CRYL1: variants seen among roughly 807,000 people sequenced by gnomAD.
CRYL1 encodes lambda-crystallin homolog.
In CRYL1, 29 loss-of-function variants were observed where a neutral mutation model predicts 36.6. That is an observed-to-expected ratio of 0.79 (90% CI 0.59 to 1.08). CRYL1 has a LOEUF of 1.08. Ranked by LOEUF, CRYL1 falls within the 50% of genes least tolerant of loss-of-function variation. The pLI is 0.00. For synonymous variants in CRYL1, 152 were observed against 151.5 expected, an observed-to-expected ratio of 1.00 and a Z score of -0.02; for missense variants, 411 against 407.9, an observed-to-expected ratio of 1.01 and a Z score of -0.06.
At chr13:20,466,907 C>T (rs943629874) in intron 3 of CRYL1, among the ~76,000 whole-genome samples, 2 of 151,878 alleles carry the variant, frequency 1.3e-5, no homozygotes, top group Non-Finnish European at 1.5e-5. Flanking sequence ...GTATGAAACA[C>T]ACCAATGAAT....
At position 20,432,223 on chromosome 13, in the gene CRYL1, C is replaced by A. The variant is rs202218550; in HGVS notation, c.512G>T (p.Arg171Ile). Reference sequence around the variant, plus strand: ...AATCTTCTTCATCAGGGCGTGGGTTCTGTCCACTGTCGTAGGGGCCGTCTC... The same window carrying A: ...AATCTTCTTCATCAGGGCGTGGGTTATGTCCACTGTCGTAGGGGCCGTCTC... ...HPETAPTTVD[R>I]THALMKKIGQ... Residue 171 changes from arginine to isoleucine, a missense_variant, in exon 5 of 8, where the codon AGA (arginine) becomes ATA (isoleucine). Physicochemically the swap from Arg to Ile is moderately conservative, Grantham distance 97. Transcript: ENST00000298248. The A allele has an allele frequency of 2.8e-5, 45 of 1,613,926 alleles. No individual in the cohort carries two copies. In the African/African-American group the frequency reaches 5.7e-4, roughly 21 times the overall value.
chr13:20,409,121 A>G (rs1297834533), intron 6 of CRYL1, among the ~76,000 whole-genome samples: 1 of 152,126 alleles, frequency 6.6e-6, no homozygotes, highest in Non-Finnish European at 1.5e-5. Context: ...TACAGTAACC[A>G]AAACAGCATG....
Position 20,404,709 on chromosome 13 carries a change from C to T in CRYL1, c.772G>A (p.Gly258Ser). 1 of 1,613,808 alleles carries T rather than the reference C, an allele frequency of 6.2e-7. No individual in the cohort carries two copies. Among genetic ancestry groups the T allele is most frequent in the South Asian group, 1.1e-5 (1 of 91,074 alleles). ...MLSYCDRYSE[G>S]IKHVLQTFGP... is the part of the protein sequence containing the mutation. ...AAAGTCTGTAGGACATGTTTTATGC[C>T]TTCGCTGTATCTGTCGCAGTAGCTT... Residue 258 changes from glycine to serine, a missense_variant, in exon 7 of 8, where the codon GGC becomes AGC. By Grantham distance (56) the Gly-to-Ser change is moderately conservative. Transcript: ENST00000298248.
chr13:20,436,519 C>G (rs2137397975), intron 4 of CRYL1, among the ~76,000 whole-genome samples: 1 of 152,296 alleles, frequency 6.6e-6, no homozygotes, highest in Non-Finnish European at 1.5e-5. Context: ...GAGGAAACAG[C>G]ACAAAAGACA....
At chr13:20,472,706 C>T (rs118147933) in intron 3 of CRYL1, among the ~76,000 whole-genome samples, 3,870 of 152,304 alleles carry the variant, frequency 0.025, 69 homozygotes, top group Middle Eastern at 0.041. Flanking sequence ...GGGACTGGCT[C>T]ACTGGGGCAG....
chr13:20,417,983 G>A (rs1163117795), intron 5 of CRYL1, among the ~76,000 whole-genome samples: 1 of 152,106 alleles, frequency 6.6e-6, no homozygotes, highest in Non-Finnish European at 1.5e-5. Context: ...TGTGACTGTG[G>A]GCCTGGCAAG....
intron 3 of CRYL1, among the ~76,000 whole-genome samples, chr13:20,454,689 G>C (rs964115834): frequency 9.2e-5 from 14 of 152,124 alleles, no homozygotes; most frequent in African/African-American, 3.4e-4. Context: ...AAAGTGCTGG[G>C]ATTACAGGCG....
At position 20,404,714 on chromosome 13, in the gene CRYL1, C is replaced by T. The variant is rs1019344558; in HGVS notation, c.767G>A (p.Ser256Asn). 6.2e-7 allele frequency: 1 copy of T among 1,613,584 alleles called. No individual in the cohort carries two copies. Among genetic ancestry groups the T allele is most frequent in the African/African-American group, 1.3e-5 (1 of 75,052 alleles). ...CTGTAGGACATGTTTTATGCCTTCG[C>T]TGTATCTGTCGCAGTAGCTTAACAT... ...EGMLSYCDRY[S>N]EGIKHVLQTF... is the part of the protein sequence containing the mutation. Residue 256 changes from serine (S) to asparagine (N), a missense_variant, in exon 7 of 8, where the codon AGC becomes AAC. Coordinates refer to ENST00000298248, the MANE Select transcript of CRYL1 (RefSeq NM_015974.3).
At position 20,403,786 on chromosome 13, in the gene CRYL1, A is replaced by T; in HGVS notation, c.*343T>A. 1 of 182,120 alleles carries T rather than the reference A, an allele frequency of 5.5e-6. No homozygotes were observed. 11.3% of individuals were successfully genotyped at this position (182,120 alleles called of 1,614,324 possible). A position where few individuals can be genotyped will look rare whatever the true frequency, so the allele number is the denominator to read the frequency against. On this transcript the variant is annotated 3_prime_UTR_variant, in exon 8 of 8. Transcript: ENST00000298248. Reference sequence around the variant, plus strand: ...GGGATTAGAAAATAATTACAAAAATATTTTGCCACATATTAACATGAAACT... The same window carrying T: ...GGGATTAGAAAATAATTACAAAAATTTTTTGCCACATATTAACATGAAACT...
At chr13:20,484,131 A>T (rs1364464458) in intron 3 of CRYL1, among the ~76,000 whole-genome samples, 3 of 152,112 alleles carry the variant, frequency 2.0e-5, no homozygotes, top group Admixed American at 1.3e-4. Context: ...ACAGCAATTA[A>T]TTTTTTTTAA....
chr13:20,413,284 T>C lies in CRYL1; in HGVS notation c.737A>G (p.Glu246Gly). The change falls in exon 6 of 8, where the codon GAA (glutamate) becomes GGA (glycine). Residue 246 changes from glutamate to glycine, a missense_variant and splice_region_variant. Physicochemically the swap from Glu to Gly is moderately conservative, Grantham distance 98 (BLOSUM62 -2). Transcript: ENST00000298248. ...CCATCCTGGCCCCAGATGCATACCTTCTGCATTGAGATGCATGGTTTCCAG... is the reference window on the plus strand; with the variant it reads ...CCATCCTGGCCCCAGATGCATACCTCCTGCATTGAGATGCATGGTTTCCAG... ...GPLETMHLNA[E>G]GMLSYCDRYS... is the part of the protein sequence containing the mutation. The C allele has an allele frequency of 6.3e-7, 1 of 1,598,802 alleles. No homozygotes were observed. The highest frequency in any genetic ancestry group is 8.6e-7 in the Non-Finnish European group (1 of 1,167,046).
chr13:20,461,974 C>T (rs1344983381), intron 3 of CRYL1, among the ~76,000 whole-genome samples: 1 of 87,454 alleles, frequency 1.1e-5, no homozygotes, highest in Non-Finnish European at 2.3e-5. Context: ...GGAGGGCAGC[C>T]TGGGGGAGGA....
chr13:20,472,957 TG>T (rs1299413098), intron 3 of CRYL1: 1 of 152,270 alleles, frequency 6.6e-6, no homozygotes, highest in East Asian at 1.9e-4. Flanking sequence ...AATCGCTTTT[TG>T]GACTCACTTT....
intron 2 of CRYL1, among the ~76,000 whole-genome samples, chr13:20,501,475 TA>T (rs1178514880): frequency 6.6e-6 from 1 of 152,230 alleles, no homozygotes; most frequent in Non-Finnish European, 1.5e-5. Context: ...AGGGCATGGC[TA>T]ACATTTCTTT....
intron 4 of CRYL1, among the ~76,000 whole-genome samples, chr13:20,434,612 C>G (rs998773297): frequency 1.4e-5 from 2 of 147,232 alleles, no homozygotes; most frequent in Non-Finnish European, 3.0e-5. Flanking sequence ...CGCGCCCCCC[C>G]ACCCACACCC....
intron 4 of CRYL1, among the ~76,000 whole-genome samples, 184 bp from the exon 5 acceptor site, chr13:20,432,480 A>C (rs2032092285): frequency 6.6e-6 from 1 of 152,132 alleles, no homozygotes. Context: ...AGGGAACCTG[A>C]TGCAGAATTG....
Position 20,426,685 on chromosome 13 carries a change from C to T in CRYL1, c.633+5417G>A, listed in dbSNP as rs2031941203. Reference sequence around the variant, plus strand: ...AACAGAAACCTTTGAATAAGTTTGCCACAAAAAAGCCTCATCTGTCAATTT... The same window carrying T: ...AACAGAAACCTTTGAATAAGTTTGCTACAAAAAAGCCTCATCTGTCAATTT... On this transcript the variant is annotated intron_variant, in intron 5 of 7. Transcript: ENST00000298248. The T allele has an allele frequency of 9.1e-6, 9 of 985,124 alleles. No individual in the cohort carries two copies. In the South Asian group the frequency reaches 3.8e-4, roughly 41 times the overall value. 61.0% of individuals were successfully genotyped at this position (985,124 alleles called of 1,614,324 possible). A position where few individuals can be genotyped will look rare whatever the true frequency, so the allele number is the denominator to read the frequency against.
At chr13:20,516,637 G>A (rs1186120034) in intron 1 of CRYL1, among the ~76,000 whole-genome samples, 4 of 151,890 alleles carry the variant, frequency 2.6e-5, no homozygotes, top group Admixed American at 6.6e-5. Flanking sequence ...TCGCCACCAC[G>A]CCTGGCTAAT....
chr13:20,414,495 G>T (rs369675088), intron 5 of CRYL1, among the ~76,000 whole-genome samples: 1 of 152,168 alleles, frequency 6.6e-6, no homozygotes, highest in Admixed American at 6.5e-5. Context: ...TAGGACCCAG[G>T]GGGGAGTAAG....
Sources: gnomAD v4.1 joint callset for allele counts (sites outside exome capture counted in the v4.1 genomes callset) on GRCh38, gnomAD v4.1.1 for gene constraint, MANE v1.5 for transcripts, NCBI Gene and HGNC (gene_info 2026-07-23, HGNC 2026-07-21) for gene names.